Variants in PTK2 observed in about 807,000 individuals in gnomAD.
The protein encoded by PTK2 is protein tyrosine kinase 2.
In PTK2, 45 loss-of-function variants were observed where a neutral mutation model predicts 150.1. The observed-to-expected ratio is 0.30, with a 90% confidence interval of 0.24 to 0.38. PTK2 has a LOEUF of 0.38. PTK2 is among the 10% of genes least tolerant of loss of function. PTK2 has a pLI of 1.00. For synonymous variants in PTK2, 432 were observed against 449.2 expected, an observed-to-expected ratio of 0.96 and a Z score of 0.48; for missense variants, 919 against 1,307.3, an observed-to-expected ratio of 0.70 and a Z score of 4.58.
rs2094569761 is a variant in PTK2, at chr8:140,669,749, G to T, written c.2710-1325C>A. ...TACCCTCCATGGCTATTGTCGAACG[G>T]AAGGTGAGGAAAAGTTAAAGGAATT... On this transcript the variant is annotated intron_variant, in intron 29 of 31. Coordinates refer to ENST00000522684, the Ensembl canonical transcript of PTK2. The T allele has an allele frequency of 6.5e-7, 1 of 1,533,022 alleles. No individual in the cohort carries two copies. Among genetic ancestry groups the T allele is most frequent in the East Asian group, 2.4e-5 (1 of 40,878 alleles). 95.0% of individuals were successfully genotyped at this position (1,533,022 alleles called of 1,614,324 possible).
intron 22 of PTK2, among the ~76,000 whole-genome samples, chr8:140,730,554 G>A (rs775389564): frequency 2.0e-5 from 3 of 152,170 alleles, no homozygotes; most frequent in Non-Finnish European, 2.9e-5. Context: ...GGTGCTGGTA[G>A]TATTTTCATT....
intron 3 of PTK2, among the ~76,000 whole-genome samples, chr8:140,888,005 T>C (rs1432322654): frequency 2.6e-5 from 4 of 152,076 alleles, no homozygotes; most frequent in East Asian, 1.9e-4. Flanking sequence ...TTTCAGAAAA[T>C]AGTTGTGTGG....
chr8:140,991,056 T>C (rs2100195533), intron 1 of PTK2, among the ~76,000 whole-genome samples: 1 of 152,204 alleles, frequency 6.6e-6, no homozygotes, highest in African/African-American at 2.4e-5. Flanking sequence ...TGCGTCTAAT[T>C]CTGCATAAGA....
At chr8:140,731,954 A>T (rs2100049672) in intron 22 of PTK2, among the ~76,000 whole-genome samples, 1 of 152,174 alleles carries the variant, frequency 6.6e-6, no homozygotes, top group Admixed American at 6.5e-5. Flanking sequence ...GGGGAATCCC[A>T]CAGTAATTTG....
intron 29 of PTK2, 49 bp downstream of exon 32, chr8:140,674,239 AACTAGGGGAC>A (rs1430213909): frequency 2.7e-6 from 4 of 1,471,232 alleles, no homozygotes; most frequent in Non-Finnish European, 3.8e-6. Flanking sequence ...ATCAACTGAG[AACTAGGGGAC>A]ACCACAAATC....
chr8:140,778,438 G>A (rs576067413), intron 14 of PTK2, among the ~76,000 whole-genome samples: 2 of 152,262 alleles, frequency 1.3e-5, no homozygotes, highest in African/African-American at 4.8e-5. Context: ...GTGACAGAGA[G>A]GGGCTCTGTC....
At chr8:140,744,749 C>T (rs910105052) in exon 19 of PTK2, 4 of 1,570,462 alleles carry the variant, frequency 2.5e-6, no homozygotes, top group Non-Finnish European at 3.5e-6. Flanking sequence ...TATTTCCTTA[C>T]TTGCAAAAAT....
At chr8:140,792,398 G>A (rs1170299715) in intron 13 of PTK2, among the ~76,000 whole-genome samples, 1 of 152,208 alleles carries the variant, frequency 6.6e-6, no homozygotes, top group Non-Finnish European at 1.5e-5. Flanking sequence ...AATTCAGAGT[G>A]TCCTGTGGCC....
At chr8:140,732,146 CTATT>C (rs1404270558) in intron 22 of PTK2, among the ~76,000 whole-genome samples, 2 of 152,024 alleles carry the variant, frequency 1.3e-5, no homozygotes, top group African/African-American at 4.8e-5. Flanking sequence ...AATTAATAAC[CTATT>C]TAGTTATTGT....
chr8:140,972,380 T>C (rs1044709597), intron 1 of PTK2, among the ~76,000 whole-genome samples: 4 of 152,200 alleles, frequency 2.6e-5, no homozygotes, highest in Non-Finnish European at 2.9e-5. Context: ...TTCACCTGCC[T>C]CGGCCTCCCG....
intron 26 of PTK2, among the ~76,000 whole-genome samples, chr8:140,696,728 GA>G (rs759949542): frequency 2.6e-5 from 4 of 151,880 alleles, no homozygotes; most frequent in East Asian, 1.9e-4. Context: ...TTTACAAAAA[GA>G]AAAAAATAAA....
intron 3 of PTK2, among the ~76,000 whole-genome samples, chr8:140,887,544 T>G (rs1438825780): frequency 3.3e-5 from 5 of 152,222 alleles, no homozygotes; most frequent in Non-Finnish European, 5.9e-5. Flanking sequence ...CCAGATATTC[T>G]TGGTGAAAAC....
At chr8:140,687,565 A>C (rs1259447058) in intron 26 of PTK2, among the ~76,000 whole-genome samples, 3 of 152,092 alleles carry the variant, frequency 2.0e-5, no homozygotes, top group Non-Finnish European at 4.4e-5. Context: ...CCTATTTCCC[A>C]CACCTGAGCC....
exon 10 of PTK2, chr8:140,818,308 C>G (rs752827540): frequency 6.2e-7 from 1 of 1,614,102 alleles, no homozygotes; most frequent in Non-Finnish European, 8.5e-7. Context: ...GTAACTGATT[C>G]CTTCTTCTGG....
At chr8:140,966,136 A>T (rs1587854329) in intron 1 of PTK2, among the ~76,000 whole-genome samples, 1 of 152,122 alleles carries the variant, frequency 6.6e-6, no homozygotes, top group East Asian at 1.9e-4. Flanking sequence ...CTCTTCATTA[A>T]ATATGAAGAC....
At chr8:140,918,386 A>C (rs765184791) in intron 2 of PTK2, among the ~76,000 whole-genome samples, 9 of 152,188 alleles carry the variant, frequency 5.9e-5, no homozygotes, top group African/African-American at 9.7e-5. Context: ...TAATCAAATA[A>C]CTTCCCAAAC....
chr8:140,895,267 C>T (rs2100155703), intron 2 of PTK2, among the ~76,000 whole-genome samples: 1 of 152,150 alleles, frequency 6.6e-6, no homozygotes, highest in Non-Finnish European at 1.5e-5. Context: ...GTGAATCACG[C>T]CTGTAATCCC....
At chr8:140,738,639 G>T (rs1056725968) in intron 21 of PTK2, among the ~76,000 whole-genome samples, 4 of 152,322 alleles carry the variant, frequency 2.6e-5, no homozygotes, top group African/African-American at 4.8e-5. Context: ...GGTTGGAGGG[G>T]CCAAGTGTTT....
intron 14 of PTK2, among the ~76,000 whole-genome samples, chr8:140,789,185 T>C (rs1399983793): frequency 1.3e-5 from 2 of 152,036 alleles, no homozygotes; most frequent in African/African-American, 4.8e-5. Flanking sequence ...GGCAACTTCA[T>C]TCTGGATAAG....
Sources: gnomAD v4.1 joint callset for allele counts (sites outside exome capture counted in the v4.1 genomes callset) on GRCh38, gnomAD v4.1.1 for gene constraint, MANE v1.5 for transcripts, NCBI Gene and HGNC (gene_info 2026-07-23, HGNC 2026-07-21) for gene names.